Variants in CCDC192 observed in about 807,000 individuals in gnomAD.
CCDC192 encodes coiled-coil domain-containing protein 192.
intron 5 of CCDC192, among the ~76,000 whole-genome samples, chr5:127,872,145 C>A (rs1751889323): frequency 6.6e-6 from 1 of 151,932 alleles, no homozygotes; most frequent in Non-Finnish European, 1.5e-5. Context: ...AAGAGCAGTT[C>A]TTTCTGGAGA....
chr5:127,791,700 A>G (rs1465833181), intron 3 of CCDC192, among the ~76,000 whole-genome samples: 1 of 152,268 alleles, frequency 6.6e-6, no homozygotes, highest in Non-Finnish European at 1.5e-5. Context: ...GGATGATTGC[A>G]GTCTTCAACA....
At chr5:127,807,095 G>C (rs1346486542) in intron 5 of CCDC192, among the ~76,000 whole-genome samples, 1 of 152,154 alleles carries the variant, frequency 6.6e-6, no homozygotes, top group Non-Finnish European at 1.5e-5. Flanking sequence ...TTTTTTGGAG[G>C]TTACGTAAAG....
intron 2 of CCDC192, among the ~76,000 whole-genome samples, chr5:127,709,202 G>GGA (rs201676720): frequency 0.069 from 5,844 of 84,924 alleles, 285 homozygotes; most frequent in East Asian, 0.097. Flanking sequence ...GGAGAGAGGG[G>GGA]GAGAGAGAGA....
chr5:127,719,090 A>C (rs993204816), intron 2 of CCDC192, among the ~76,000 whole-genome samples: 4 of 151,978 alleles, frequency 2.6e-5, no homozygotes, highest in Non-Finnish European at 5.9e-5. Flanking sequence ...TCCACTTTTT[A>C]TCTCCATGGA....
chr5:127,809,742 C>G (rs1021481881), intron 5 of CCDC192, among the ~76,000 whole-genome samples: 1 of 152,058 alleles, frequency 6.6e-6, no homozygotes, highest in Non-Finnish European at 1.5e-5. Flanking sequence ...CAGTCGAAGG[C>G]CAAGTAAGTA....
At chr5:127,733,590 A>G (rs1752768133) in intron 2 of CCDC192, among the ~76,000 whole-genome samples, 1 of 152,160 alleles carries the variant, frequency 6.6e-6, no homozygotes, top group African/African-American at 2.4e-5. Flanking sequence ...AAAATATTAG[A>G]TATTTCAGAG....
chr5:127,906,737 G>C (rs1459952588), intron 6 of CCDC192, among the ~76,000 whole-genome samples: 2 of 152,070 alleles, frequency 1.3e-5, no homozygotes, highest in Non-Finnish European at 2.9e-5. Flanking sequence ...AGTGAGCCAT[G>C]ACCACACCAC....
At position 127,850,753 on chromosome 5, in the gene CCDC192, T is replaced by C. The variant is rs6859413; in HGVS notation, c.412-24785T>C. Among the ~76,000 whole-genome samples, 362 of 152,024 alleles carry C rather than the reference T, an allele frequency of 2.4e-3. 1 individual carries two copies. The highest frequency in any genetic ancestry group is 8.0e-3 in the African/African-American group (332 of 41,462). On this transcript the variant is annotated intron_variant, in intron 5 of 6. Transcript: ENST00000514853. ...GGCCGAGGCAGGCAAATCACCTGAG[T>C]TTAGGAGTTCAAGACCAGCTTGGCC... is the stretch of plus-strand genomic sequence containing the variant.
At chr5:127,782,677 T>A (rs1234495968) in intron 3 of CCDC192, among the ~76,000 whole-genome samples, 1 of 152,188 alleles carries the variant, frequency 6.6e-6, no homozygotes, top group East Asian at 1.9e-4. Context: ...ATTTCATTTC[T>A]TATTGAGGTT....
At chr5:127,770,653 A>G (rs1315419148) in intron 3 of CCDC192, among the ~76,000 whole-genome samples, 1 of 152,180 alleles carries the variant, frequency 6.6e-6, no homozygotes, top group African/African-American at 2.4e-5. Context: ...ATATCATGAC[A>G]ATTTTCATCT....
intron 5 of CCDC192, among the ~76,000 whole-genome samples, chr5:127,829,740 T>C (rs1202251788): frequency 1.3e-5 from 2 of 152,218 alleles, no homozygotes; most frequent in East Asian, 3.8e-4. Context: ...CCAGAATTAG[T>C]GTTTTTGTGT....
chr5:127,802,365 A>T (rs1048756706), intron 5 of CCDC192, among the ~76,000 whole-genome samples: 4 of 152,130 alleles, frequency 2.6e-5, no homozygotes, highest in African/African-American at 4.8e-5. Context: ...ATAAAGTCTA[A>T]CCTCCTGACC....
intron 3 of CCDC192, among the ~76,000 whole-genome samples, chr5:127,756,513 G>T (rs1451437599): frequency 6.6e-6 from 1 of 152,172 alleles, no homozygotes; most frequent in African/African-American, 2.4e-5. Context: ...ACTGGTTGGG[G>T]CAGATTACCA....
At chr5:127,879,979 C>T (rs940864207) in intron 6 of CCDC192, among the ~76,000 whole-genome samples, 30 of 151,986 alleles carry the variant, frequency 2.0e-4, no homozygotes, top group African/African-American at 6.8e-4. Flanking sequence ...AACACATTTA[C>T]ACTGTTGGTG....
intron 2 of CCDC192, among the ~76,000 whole-genome samples, chr5:127,746,289 T>A (rs1753738359): frequency 6.6e-6 from 1 of 152,280 alleles, no homozygotes; most frequent in Admixed American, 6.5e-5. Context: ...CGTTTATGCC[T>A]GTTTCATTTG....
At chr5:127,884,341 T>G (rs1262237398) in intron 6 of CCDC192, among the ~76,000 whole-genome samples, 5 of 10,818 alleles carry the variant, frequency 4.6e-4, no homozygotes, top group South Asian at 3.0e-3. Context: ...AGACTCCGTC[T>G]CAAAAAAAAA....
chr5:127,704,838 AAAATAAATAAATAAATAAATAAAT>A (rs57523949), intron 1 of CCDC192, among the ~76,000 whole-genome samples: 1 of 144,414 alleles, frequency 6.9e-6, no homozygotes, highest in African/African-American at 2.5e-5. Context: ...AACTCCATCT[AAAATAAATAAATAAATAAATAAAT>A]AAATAAATAA....
At chr5:127,908,824 A>T (rs1753268068) in intron 6 of CCDC192, among the ~76,000 whole-genome samples, 1 of 152,200 alleles carries the variant, frequency 6.6e-6, no homozygotes, top group Non-Finnish European at 1.5e-5. Context: ...CCAAGTTGAG[A>T]TTTTTAAGCT....
At chr5:127,864,023 G>A (rs1751487041) in intron 5 of CCDC192, among the ~76,000 whole-genome samples, 1 of 152,168 alleles carries the variant, frequency 6.6e-6, no homozygotes, top group African/African-American at 2.4e-5. Flanking sequence ...AGTCAATCCA[G>A]GGTGTACCAA....
Sources: allele counts gnomAD v4.1 joint callset (sites outside exome capture counted in the v4.1 genomes callset), GRCh38; gene constraint gnomAD v4.1.1; transcripts MANE v1.5; gene names NCBI Gene and HGNC (gene_info 2026-07-23, HGNC 2026-07-21).